The following PKP2 variants were observed in gnomAD, a reference collection of about 807,000 sequenced individuals.
PKP2 encodes the protein plakophilin-2.
Under a neutral mutation model 83.4 loss-of-function variants are expected in PKP2, and 73 were observed. The ratio of observed to expected loss-of-function variants is 0.88; its 90% CI spans 0.72 to 1.06. The LOEUF is 1.06. Among genes scored for constraint, PKP2 ranks in the 50% least tolerant of loss-of-function variants. PKP2 has a pLI of 0.00. For synonymous variants in PKP2, 409 were observed against 430.4 expected, an observed-to-expected ratio of 0.95 and a Z score of 0.62; for missense variants, 966 against 1,065.4, an observed-to-expected ratio of 0.91 and a Z score of 1.30.
Position 32,877,929 on chromosome 12 carries a change from C to A in PKP2, c.951G>T (p.Ala317=), listed in dbSNP as rs61729382. The A allele has an allele frequency of 6.2e-7, 1 of 1,614,144 alleles. No homozygotes were observed. Among genetic ancestry groups the A allele is most frequent in the South Asian group, 1.1e-5 (1 of 91,082 alleles). Residue 317 remains alanine, a synonymous_variant, in exon 3 of 13, where the codon GCG becomes GCT. Transcript: ENST00000340811. The part of the protein sequence containing the change: ...SVAVDSSGRR[A]HLTVGQAAAG... ...CGGCCGCCTGGCCGACAGTCAAGTG[C>A]GCTCTCCTCCCGCTGGAATCCACGG...
chr12:32,805,369 A>T (rs1956217963), intron 9 of PKP2, among the ~76,000 whole-genome samples: 1 of 151,976 alleles, frequency 6.6e-6, no homozygotes, highest in Non-Finnish European at 1.5e-5. Flanking sequence ...TTGTCATGAA[A>T]TCTTTGCCAG....
intron 6 of PKP2, among the ~76,000 whole-genome samples, chr12:32,832,382 A>T (rs534642905): frequency 6.6e-6 from 1 of 152,002 alleles, no homozygotes; most frequent in Non-Finnish European, 1.5e-5. Context: ...GTCTCAAAAA[A>T]AGAAAAAAAA....
chr12:32,896,264 G>A (rs1957122439), intron 1 of PKP2, among the ~76,000 whole-genome samples: 1 of 152,212 alleles, frequency 6.6e-6, no homozygotes, highest in African/African-American at 2.4e-5. Context: ...CTTGAAGTGA[G>A]TTAGTTAACA....
chr12:32,879,110 T>A (rs1172112808), intron 1 of PKP2, 78 bp from the exon 2 acceptor site: 10 of 814,894 alleles, frequency 1.2e-5, no homozygotes, highest in South Asian at 5.5e-5. Context: ...AACAATGATG[T>A]ATTAAACTTT....
intron 3 of PKP2, among the ~76,000 whole-genome samples, chr12:32,869,877 A>C (rs545977019): frequency 5.9e-5 from 9 of 152,096 alleles, no homozygotes; most frequent in African/African-American, 1.9e-4. Flanking sequence ...CAGACAAACA[A>C]AATCAGCTGG....
chr12:32,871,374 T>C (rs1378670801), intron 3 of PKP2, among the ~76,000 whole-genome samples: 1 of 152,154 alleles, frequency 6.6e-6, no homozygotes, highest in African/African-American at 2.4e-5. Context: ...TAGCTCACCA[T>C]AACCTCAACC....
chr12:32,821,151 A>C (rs1455760335), intron 9 of PKP2: 1 of 572,810 alleles, frequency 1.7e-6, no homozygotes, highest in Non-Finnish European at 3.1e-6. Flanking sequence ...CTGTAACTGA[A>C]AGAGTACTGA....
intron 1 of PKP2, among the ~76,000 whole-genome samples, chr12:32,883,870 C>T (rs1228882647): frequency 6.6e-6 from 1 of 152,152 alleles, no homozygotes; most frequent in Non-Finnish European, 1.5e-5. Flanking sequence ...CAGGACGTGT[C>T]ATCCCAAAAT....
intron 7 of PKP2, among the ~76,000 whole-genome samples, chr12:32,823,286 G>A (rs550271527): frequency 3.4e-4 from 51 of 152,084 alleles, no homozygotes; most frequent in South Asian, 6.2e-4. Flanking sequence ...GCATGGTGGC[G>A]TACACCTGTA....
chr12:32,880,800 C>T (rs980543622), intron 1 of PKP2, among the ~76,000 whole-genome samples: 3 of 140,358 alleles, frequency 2.1e-5, no homozygotes, highest in Non-Finnish European at 4.7e-5. Context: ...TTTGAGTTTT[C>T]TCTTACTGCC....
At chr12:32,849,163 A>C (rs1296041138) in intron 5 of PKP2, among the ~76,000 whole-genome samples, 1 of 150,736 alleles carries the variant, frequency 6.6e-6, no homozygotes, top group Non-Finnish European at 1.5e-5. Context: ...GAGACATTGA[A>C]GATATTTAAC....
At position 32,802,392 on chromosome 12, in the gene PKP2, T is replaced by A. The variant is rs551378645; in HGVS notation, c.2167+11A>T. On this transcript the variant is annotated intron_variant, in intron 10 of 12. Transcript: ENST00000340811. ...TGTACATATTACACATAGATACTTATACCGACTCACCAATTTCATTCTGCA... is the reference window on the plus strand; with the variant it reads ...TGTACATATTACACATAGATACTTAAACCGACTCACCAATTTCATTCTGCA... The A allele has an allele frequency of 6.2e-7, 1 of 1,613,328 alleles. No homozygotes were observed. Among genetic ancestry groups the A allele is most frequent in the African/African-American group, 1.3e-5 (1 of 75,030 alleles).
intron 6 of PKP2, among the ~76,000 whole-genome samples, chr12:32,835,115 G>A (rs962816181): frequency 6.6e-6 from 1 of 150,906 alleles, no homozygotes; most frequent in Non-Finnish European, 1.5e-5. Context: ...GTGCAGTGGC[G>A]CGACTTCGGC....
intron 5 of PKP2, chr12:32,843,088 T>C: frequency 5.4e-6 from 2 of 372,702 alleles, no homozygotes; most frequent in Non-Finnish European, 1.1e-5. Context: ...CAAGTGATTC[T>C]CCTGCCTCAG....
chr12:32,816,039 TTAA>T (rs1456643420), intron 9 of PKP2, among the ~76,000 whole-genome samples: 1 of 152,190 alleles, frequency 6.6e-6, no homozygotes, highest in Non-Finnish European at 1.5e-5. Context: ...GCCTTGATCA[TTAA>T]TGAGGTTGAA....
chr12:32,803,125 T>C (rs939325349), intron 9 of PKP2, among the ~76,000 whole-genome samples: 13 of 151,944 alleles, frequency 8.6e-5, no homozygotes, highest in African/African-American at 2.9e-4. Context: ...ATCCCAGCAC[T>C]TTGGGAGGCC....
At chr12:32,834,976 C>CATGTGTGT (rs3221355) in intron 6 of PKP2, among the ~76,000 whole-genome samples, 2 of 119,446 alleles carry the variant, frequency 1.7e-5, no homozygotes, top group Non-Finnish European at 3.3e-5. Context: ...TCACAATAGG[C>CATGTGTGT]GTGTGTGTGT....
intron 9 of PKP2, among the ~76,000 whole-genome samples, chr12:32,805,548 T>C (rs574416489): frequency 6.6e-6 from 1 of 152,340 alleles, no homozygotes; most frequent in South Asian, 2.1e-4. Flanking sequence ...CAGCACCGTT[T>C]ATTAAATAGG....
chr12:32,861,586 C>A lies in PKP2; in HGVS notation c.1170+7341G>T, dbSNP rs187854235. Among the ~76,000 whole-genome samples the A allele has an allele frequency of 2.0e-5, 3 of 152,158 alleles. No homozygotes were observed. The East Asian group carries it at 5.8e-4, about 29-fold the overall frequency. ...ACTAAAAAAGAAAGATCTAAAGAAG[C>A]CTAACGTGTATGTAATTGTAGTTCC... is the stretch of plus-strand genomic sequence containing the variant. On this transcript the variant is annotated intron_variant, in intron 4 of 12. Transcript: ENST00000340811.
Sources: allele counts gnomAD v4.1 joint callset (sites outside exome capture counted in the v4.1 genomes callset), GRCh38; gene constraint gnomAD v4.1.1; transcripts MANE v1.5; gene names NCBI Gene and HGNC (gene_info 2026-07-23, HGNC 2026-07-21).